Variants in SLC17A8 observed in about 807,000 individuals in gnomAD.
The protein encoded by SLC17A8 is vesicular glutamate transporter 3.
SLC17A8 carries 31 observed loss-of-function variants against 58.0 expected under a neutral mutation model. The ratio of observed to expected loss-of-function variants is 0.53; its 90% CI spans 0.40 to 0.72. SLC17A8 has a LOEUF of 0.72. SLC17A8 is among the 30% of genes least tolerant of loss of function. The pLI is 0.00. For synonymous variants in SLC17A8, 228 were observed against 249.0 expected (o/e 0.92, Z 0.79); for missense variants, 655 against 727.8 (o/e 0.90, Z 1.15).
intron 3 of SLC17A8, among the ~76,000 whole-genome samples, chr12:100,392,105 T>C (rs1408073594): frequency 6.6e-6 from 1 of 152,044 alleles, no homozygotes; most frequent in African/African-American, 2.4e-5. Flanking sequence ...AGAAAAGGAG[T>C]GAACTAAATC....
At chr12:100,410,359 G>T (rs559558434) in intron 9 of SLC17A8, among the ~76,000 whole-genome samples, 1 of 152,268 alleles carries the variant, frequency 6.6e-6, no homozygotes, top group South Asian at 2.1e-4. Context: ...GCTGGGCATG[G>T]TGGTGGGTGC....
chr12:100,359,129 T>C (rs545347423), intron 1 of SLC17A8, among the ~76,000 whole-genome samples: 72 of 152,228 alleles, frequency 4.7e-4, no homozygotes, highest in African/African-American at 1.7e-3. Flanking sequence ...AGTCAGACTC[T>C]GTCTCAAAAA....
At chr12:100,418,598 G>C (rs1175264421) in intron 11 of SLC17A8, among the ~76,000 whole-genome samples, 1 of 152,170 alleles carries the variant, frequency 6.6e-6, no homozygotes, top group Non-Finnish European at 1.5e-5. Context: ...AAATAAACAG[G>C]ACATTGATAA....
chr12:100,358,857 A>G (rs115681445), intron 1 of SLC17A8, among the ~76,000 whole-genome samples: 2,113 of 152,320 alleles, frequency 0.014, 46 homozygotes, highest in African/African-American at 0.049. Context: ...AATAAAAACC[A>G]TAGGCCGGGC....
chr12:100,400,535 G>A (rs146095480), intron 5 of SLC17A8, among the ~76,000 whole-genome samples: 39 of 152,174 alleles, frequency 2.6e-4, no homozygotes, highest in African/African-American at 8.7e-4. Flanking sequence ...CAGATCTCAG[G>A]CTGGGCCTTT....
Position 100,357,105 on chromosome 12 carries a change from A to G in SLC17A8, c.-287A>G. The stretch of plus-strand genomic sequence containing the variant: ...AGAGTGGCTGCCTGAGACAGCTGCC[A>G]CAGGCTGCTGCAGAGCGTGCAGCTT... On this transcript the variant is annotated 5_prime_UTR_variant, in exon 1 of 12. Coordinates refer to ENST00000323346, the MANE Select transcript of SLC17A8 (RefSeq NM_139319.3). 1 of 387,990 alleles carries G rather than the reference A, an allele frequency of 2.6e-6. No individual in the cohort carries two copies. Among genetic ancestry groups the G allele is most frequent in the Non-Finnish European group, 4.9e-6 (1 of 203,178 alleles). The allele number at this position is 387,990 out of a possible 1,614,324, so 24.0% of individuals were successfully genotyped here.
chr12:100,401,641 T>C (rs895873726), intron 5 of SLC17A8, 136 bp from the exon 6 acceptor site: 23 of 762,350 alleles, frequency 3.0e-5, no homozygotes, highest in Non-Finnish European at 4.9e-5. Context: ...CACTGGGAGT[T>C]TGCCTGTCTC....
chr12:100,410,398 G>C (rs1952858366), intron 9 of SLC17A8, among the ~76,000 whole-genome samples: 1 of 152,036 alleles, frequency 6.6e-6, no homozygotes, highest in Non-Finnish European at 1.5e-5. Flanking sequence ...AGGAGGCTGA[G>C]GCAGGAGAAG....
chr12:100,394,832 T>C (rs576205132), intron 4 of SLC17A8, among the ~76,000 whole-genome samples: 2 of 147,672 alleles, frequency 1.4e-5, no homozygotes, highest in East Asian at 1.9e-4. Context: ...ATATAGTATA[T>C]ATATAATATA....
chr12:100,405,317 G>T lies in SLC17A8; in HGVS notation c.1186+1147G>T, dbSNP rs560870686. 2.6e-5 allele frequency among the ~76,000 whole-genome samples: 4 copies of T among 152,314 alleles called. No individual in the cohort carries two copies. The South Asian group carries it at 8.3e-4, about 32-fold the overall frequency. On this transcript the variant is annotated intron_variant, in intron 9 of 11. Coordinates refer to ENST00000323346, the MANE Select transcript of SLC17A8 (RefSeq NM_139319.3). ...TTGCATTCAAGTCCTCTCCAAGAGA[G>T]CTGTAGCAGCTAGAATAATGCCCAT...
chr12:100,402,351 A>G lies in SLC17A8; in HGVS notation c.775A>G (p.Ile259Val). The change falls in exon 7 of 12, where the codon ATT (isoleucine) becomes GTT (valine). Residue 259 changes from isoleucine (I) to valine (V), a missense_variant. Physicochemically the swap from Ile to Val is conservative, Grantham distance 29. Coordinates refer to ENST00000323346, the MANE Select transcript of SLC17A8 (RefSeq NM_139319.3). ...TTTTTTAACTGCAGGCATGTTTGGG[A>G]TTATTTGGTACATGTTTTGGCTGTT... ...SVFYIYGMFG[I>V]IWYMFWLLQA... The G allele has an allele frequency of 6.2e-7, 1 of 1,614,104 alleles. No homozygotes were observed. The highest frequency in any genetic ancestry group is 8.5e-7 in the Non-Finnish European group (1 of 1,180,010).
rs1371188431 is a variant in SLC17A8, at chr12:100,386,727, C to T, written c.355-4274C>T. ...TTTTTGAGATGGGGTCTTACTCTGT[C>T]ACCCAGGCTGGAGTGCAGTGGCACA... On this transcript the variant is annotated intron_variant, in intron 2 of 11. Transcript: ENST00000323346. 4.9e-5 allele frequency among the ~76,000 whole-genome samples: 7 copies of T among 143,988 alleles called. No homozygotes were observed. In the East Asian group the frequency reaches 1.5e-3, roughly 30 times the overall value. The allele number at this position is 143,988 out of a possible 152,430, so 94.5% of individuals were successfully genotyped here. A position where few individuals can be genotyped will look rare whatever the true frequency, so the allele number is the denominator to read the frequency against.
At chr12:100,415,292 C>T (rs1449613511) in intron 10 of SLC17A8, among the ~76,000 whole-genome samples, 1 of 151,916 alleles carries the variant, frequency 6.6e-6, no homozygotes, top group African/African-American at 2.4e-5. Context: ...ATGGTGAAAC[C>T]GCATGTCTAC....
chr12:100,377,155 G>T (rs905236471), intron 1 of SLC17A8, among the ~76,000 whole-genome samples: 3 of 152,110 alleles, frequency 2.0e-5, no homozygotes, highest in Non-Finnish European at 4.4e-5. Flanking sequence ...GTATTTGGTT[G>T]CCAGAAATTC....
chr12:100,412,632 G>GA, intron 9 of SLC17A8, 138 bp from the exon 10 acceptor site: 3 of 514,834 alleles, frequency 5.8e-6, no homozygotes, highest in South Asian at 2.1e-5. Context: ...AGAACTTAAA[G>GA]TAAAAAAAAA....
chr12:100,367,220 T>C (rs958841958), intron 1 of SLC17A8, among the ~76,000 whole-genome samples: 11 of 152,194 alleles, frequency 7.2e-5, no homozygotes, highest in African/African-American at 2.7e-4. Flanking sequence ...TTAAAGAAAA[T>C]AAGTTAAAGA....
At position 100,420,273 on chromosome 12, in the gene SLC17A8, T is replaced by A. The variant is rs1464324878; in HGVS notation, c.*114T>A. The stretch of plus-strand genomic sequence containing the variant: ...GTCCAAATATTGGGAGGGGAGAAGA[T>A]CTAACCAGCAACAGGGAAAAGAGAA... On this transcript the variant is annotated 3_prime_UTR_variant, in exon 12 of 12. Coordinates refer to ENST00000323346, the MANE Select transcript of SLC17A8 (RefSeq NM_139319.3). 9.0e-6 allele frequency: 7 copies of A among 777,882 alleles called. No homozygotes were observed. The East Asian group carries it at 1.3e-4, about 15-fold the overall frequency. 48.2% of individuals were successfully genotyped at this position (777,882 alleles called of 1,614,324 possible).
At chr12:100,374,223 C>T (rs1024342117) in intron 1 of SLC17A8, among the ~76,000 whole-genome samples, 2 of 152,162 alleles carry the variant, frequency 1.3e-5, no homozygotes, top group African/African-American at 4.8e-5. Flanking sequence ...TGCCCAGAAG[C>T]CTGGTGTGTT....
In SLC17A8 at chr12:100,380,886, T is replaced by C. The variant is rs1230349096; in HGVS notation, c.287T>C (p.Leu96Pro). The C allele has an allele frequency of 6.2e-7, 1 of 1,614,190 alleles. No homozygotes were observed. Among genetic ancestry groups the C allele is most frequent in the Non-Finnish European group, 8.5e-7 (1 of 1,180,032 alleles). ...ATTTCCTTTGGGATCCGGTGCAATC[T>C]TGGAGTTGCCATTGTGGAAATGGTC... ...FCISFGIRCNLGVAIVEMVNN... is the reference protein window; with the variant it reads ...FCISFGIRCNPGVAIVEMVNN... The change falls in exon 2 of 12, where the codon CTT (leucine) becomes CCT (proline). Residue 96 changes from leucine to proline, a missense_variant. Transcript: ENST00000323346.
Sources: gnomAD v4.1 joint callset for allele counts (sites outside exome capture counted in the v4.1 genomes callset) on GRCh38, gnomAD v4.1.1 for gene constraint, MANE v1.5 for transcripts, NCBI Gene and HGNC (gene_info 2026-07-23, HGNC 2026-07-21) for gene names.